Variants in NCF2 observed in about 807,000 individuals in gnomAD.
The protein encoded by NCF2 is neutrophil cytosol factor 2.
NCF2 carries 45 observed loss-of-function variants against 70.9 expected under a neutral mutation model. That is an observed-to-expected ratio of 0.63 (90% CI 0.50 to 0.81). NCF2 has a LOEUF of 0.81. Among genes scored for constraint, NCF2 ranks in the 40% least tolerant of loss-of-function variants. The probability of loss-of-function intolerance (pLI) is 0.00; values close to 1 mark genes in which losing one functional copy is unlikely to be tolerated. For synonymous variants in NCF2, 203 were observed against 233.6 expected (o/e 0.87, Z 1.19); for missense variants, 522 against 631.6 (o/e 0.83, Z 1.86).
rs762293872 is a variant in NCF2, at chr1:183,590,136, A to C, written c.174+20T>G. 165 of 1,614,020 alleles carry C rather than the reference A, an allele frequency of 1.0e-4. No homozygotes were observed. Among genetic ancestry groups the C allele is most frequent in the Non-Finnish European group, 1.3e-4 (155 of 1,180,010 alleles). On this transcript the variant is annotated intron_variant, in intron 1 of 14. Transcript: ENST00000367535. Reference sequence around the variant, plus strand: ...TAACAAATGCACAGAGGAGGCCCGGAAAGAGGCACCTCCACTCACCTTCTC... The same window carrying C: ...TAACAAATGCACAGAGGAGGCCCGGCAAGAGGCACCTCCACTCACCTTCTC...
chr1:183,576,143 A>G lies in NCF2; in HGVS notation c.366+1456T>C, dbSNP rs146937130. Among the ~76,000 whole-genome samples, 556 of 152,372 alleles carry G rather than the reference A, an allele frequency of 3.6e-3. 2 individuals carry two copies. The highest frequency in any genetic ancestry group is 6.4e-3 in the Non-Finnish European group (436 of 68,040). ...GATGTGATTCTCAGAAGCCAGGGTCATACCACATCAGGAAGAGAAGGATTA... is the reference window on the plus strand; with the variant it reads ...GATGTGATTCTCAGAAGCCAGGGTCGTACCACATCAGGAAGAGAAGGATTA... On this transcript the variant is annotated intron_variant, in intron 3 of 14. Coordinates refer to ENST00000367535, the MANE Select transcript of NCF2 (RefSeq NM_000433.4).
chr1:183,567,823 C>T (rs1490722291), intron 7 of NCF2, among the ~76,000 whole-genome samples: 4 of 152,066 alleles, frequency 2.6e-5, no homozygotes, highest in Non-Finnish European at 5.9e-5. Flanking sequence ...ATAGAGAGAC[C>T]GTGAGCAGGG....
upstream of NCF2, among the ~76,000 whole-genome samples, chr1:183,593,622 A>G (rs1005935743): frequency 2.6e-5 from 4 of 152,058 alleles, no homozygotes; most frequent in African/African-American, 7.2e-5. Flanking sequence ...CACTTCCTCA[A>G]TGAGTGGCCT....
rs540247375 is a variant in NCF2, at chr1:183,569,238, G to A, written c.670-53C>T. 44 of 1,527,662 alleles carry A rather than the reference G, an allele frequency of 2.9e-5. No individual in the cohort carries two copies. In the East Asian group the frequency reaches 9.5e-4, roughly 33 times the overall value. 94.6% of individuals were successfully genotyped at this position (1,527,662 alleles called of 1,614,324 possible). On this transcript the variant is annotated intron_variant, in intron 6 of 14. Coordinates refer to ENST00000367535, the MANE Select transcript of NCF2 (RefSeq NM_000433.4). ...CGGAAAAGGCAATGAGGGAAAGCAG[G>A]GGAGAGACAACAAACGGCTAATGGT...
At chr1:183,563,688 C>A in intron 11 of NCF2, 103 bp from the exon 12 acceptor site, 1 of 1,435,530 alleles carries the variant, frequency 7.0e-7, no homozygotes, top group South Asian at 1.2e-5. Context: ...GTACCCAATA[C>A]AGCAGGGGAG....
chr1:183,569,055 CCACCTT>C (rs1467648727), intron 7 of NCF2, 81 bp downstream of exon 7: 6 of 1,287,920 alleles, frequency 4.7e-6, no homozygotes, highest in Admixed American at 3.4e-5. Flanking sequence ...GACCCTGACC[CCACCTT>C]CATCTTCTTC....
chr1:183,568,121 G>A (rs936324397), intron 7 of NCF2, among the ~76,000 whole-genome samples: 3 of 151,832 alleles, frequency 2.0e-5, no homozygotes, highest in African/African-American at 7.3e-5. Context: ...TTAGGAATGA[G>A]CTCATCCAGC....
chr1:183,580,839 C>T (rs181102454), intron 2 of NCF2, among the ~76,000 whole-genome samples: 91 of 151,926 alleles, frequency 6.0e-4, no homozygotes, highest in African/African-American at 1.8e-3. Flanking sequence ...ATTAGCCGGG[C>T]GTGGTGGTGC....
At chr1:183,572,662 CAG>C in intron 5 of NCF2, among the ~76,000 whole-genome samples, 1 of 152,266 alleles carries the variant, frequency 6.6e-6, no homozygotes, top group South Asian at 2.1e-4. Context: ...TTTTTAGAAA[CAG>C]AGTCTCAATC....
chr1:183,573,308 C>T lies in NCF2; in HGVS notation c.502-16G>A, dbSNP rs374166487. ...GCTTCTGCTTCTGTAACACAGAAAACGTAGCATTCCCTTATGTGAAAATGG... is the reference window on the plus strand; with the variant it reads ...GCTTCTGCTTCTGTAACACAGAAAATGTAGCATTCCCTTATGTGAAAATGG... On this transcript the variant is annotated splice_polypyrimidine_tract_variant and intron_variant, in intron 4 of 14. Transcript: ENST00000367535. 2.9e-5 allele frequency: 47 copies of T among 1,606,146 alleles called. No individual in the cohort carries two copies. Among genetic ancestry groups the T allele is most frequent in the East Asian group, 1.8e-4 (8 of 44,846 alleles).
chr1:183,595,833 T>C (rs1673754292), upstream of NCF2, among the ~76,000 whole-genome samples: 1 of 152,160 alleles, frequency 6.6e-6, no homozygotes, highest in South Asian at 2.1e-4. Flanking sequence ...CCCTTCACCT[T>C]TGCCATGTTC....
intron 2 of NCF2, among the ~76,000 whole-genome samples, chr1:183,583,238 G>A (rs1673194728): frequency 6.6e-6 from 1 of 152,136 alleles, no homozygotes; most frequent in Non-Finnish European, 1.5e-5. Context: ...ATTTTTAGTA[G>A]AGACAAGGTT....
the NCF2 span, among the ~76,000 whole-genome samples, chr1:183,599,422 CCTT>C: frequency 1.6e-4 from 22 of 135,432 alleles, no homozygotes; most frequent in African/African-American, 5.8e-4. Context: ...TTCTTTCTTT[CCTT>C]CTTTCTTTCT....
chr1:183,565,335 C>T (rs1194880947), intron 10 of NCF2, among the ~76,000 whole-genome samples: 1 of 152,190 alleles, frequency 6.6e-6, no homozygotes, highest in East Asian at 1.9e-4. Context: ...GTGCCTCAGA[C>T]ATTTGAAAAC....
chr1:183,589,697 A>C (rs983291297), intron 1 of NCF2, among the ~76,000 whole-genome samples: 1 of 152,188 alleles, frequency 6.6e-6, no homozygotes, highest in East Asian at 1.9e-4. Flanking sequence ...GATAAAAGCT[A>C]TTTTTTGTAA....
chr1:183,579,152 G>T (rs1174549487), intron 2 of NCF2, among the ~76,000 whole-genome samples: 1 of 152,200 alleles, frequency 6.6e-6, no homozygotes, highest in African/African-American at 2.4e-5. Context: ...TAGTAAAGGG[G>T]CCAGGAGCCA....
intron 2 of NCF2, among the ~76,000 whole-genome samples, chr1:183,584,659 G>A (rs1673257220): frequency 6.6e-6 from 1 of 152,144 alleles, no homozygotes; most frequent in Non-Finnish European, 1.5e-5. Context: ...AATGACCTTA[G>A]AGTTTGCGTT....
chr1:183,584,218 A>G (rs753731815), intron 2 of NCF2, among the ~76,000 whole-genome samples: 1 of 152,192 alleles, frequency 6.6e-6, no homozygotes, highest in Non-Finnish European at 1.5e-5. Flanking sequence ...ATTGTACATA[A>G]ACGAATGTGT....
intron 1 of NCF2, 116 bp from the exon 2 acceptor site, chr1:183,587,093 C>T (rs957202653): frequency 1.3e-5 from 13 of 978,172 alleles, no homozygotes; most frequent in South Asian, 2.6e-5. Flanking sequence ...TGTCTGCCCT[C>T]GTCGGCACCT....
Sources: gnomAD v4.1 joint callset for allele counts (sites outside exome capture counted in the v4.1 genomes callset) on GRCh38, gnomAD v4.1.1 for gene constraint, MANE v1.5 for transcripts, NCBI Gene and HGNC (gene_info 2026-07-23, HGNC 2026-07-21) for gene names.